The following KCNQ3 variants were observed in gnomAD, a reference collection of about 807,000 sequenced individuals.
KCNQ3 encodes potassium voltage-gated channel subfamily Q member 3.
KCNQ3 carries 30 observed loss-of-function variants against 92.5 expected under a neutral mutation model. That is an observed-to-expected ratio of 0.32 (90% CI 0.24 to 0.44). KCNQ3 has a LOEUF of 0.44. KCNQ3 is among the 20% of genes least tolerant of loss of function. The pLI, the probability that KCNQ3 is intolerant of heterozygous loss-of-function variation, is 1.00. For missense variants in KCNQ3, 913 were observed against 1,140.3 expected (o/e 0.80, Z 2.87); for synonymous variants, 450 against 468.8 (o/e 0.96, Z 0.52).
intron 1 of KCNQ3, among the ~76,000 whole-genome samples, chr8:132,402,145 C>T (rs1356274953): frequency 6.6e-6 from 1 of 152,138 alleles, no homozygotes; most frequent in Non-Finnish European, 1.5e-5. Flanking sequence ...TGTCTCTTGC[C>T]CAGAGAGCGT....
chr8:132,372,926 G>A (rs1819514460), intron 1 of KCNQ3, among the ~76,000 whole-genome samples: 1 of 152,152 alleles, frequency 6.6e-6, no homozygotes, highest in African/African-American at 2.4e-5. Context: ...AAAGTTCCCT[G>A]TGAACGTTAG....
chr8:132,228,041 T>C (rs1035075934), intron 1 of KCNQ3, among the ~76,000 whole-genome samples: 6 of 151,446 alleles, frequency 4.0e-5, no homozygotes, highest in African/African-American at 1.5e-4. Flanking sequence ...CCCTCAACAG[T>C]AAATAACTTG....
At chr8:132,419,304 T>C (rs762828870) in intron 1 of KCNQ3, among the ~76,000 whole-genome samples, 4 of 152,214 alleles carry the variant, frequency 2.6e-5, no homozygotes, top group Non-Finnish European at 4.4e-5. Flanking sequence ...AGACCATTTG[T>C]CTGGATTTCT....
chr8:132,281,762 G>A (rs1006770358), intron 1 of KCNQ3, among the ~76,000 whole-genome samples: 2 of 152,236 alleles, frequency 1.3e-5, no homozygotes, highest in East Asian at 1.9e-4. Context: ...ACAAAGTGAG[G>A]TTCATGTAGA....
chr8:132,176,986 GT>G (rs1404987363), intron 4 of KCNQ3, among the ~76,000 whole-genome samples: 1 of 152,190 alleles, frequency 6.6e-6, no homozygotes, highest in Non-Finnish European at 1.5e-5. Context: ...GGTGAGCGAG[GT>G]TCTGTGCTGC....
intron 1 of KCNQ3, among the ~76,000 whole-genome samples, chr8:132,244,579 A>G (rs1815101057): frequency 6.6e-6 from 1 of 152,228 alleles, no homozygotes; most frequent in Admixed American, 6.5e-5. Flanking sequence ...ATTCAGTGTT[A>G]TACAGTGTCC....
chr8:132,323,911 G>A (rs1365802672), intron 1 of KCNQ3, among the ~76,000 whole-genome samples: 1 of 152,078 alleles, frequency 6.6e-6, no homozygotes, highest in African/African-American at 2.4e-5. Context: ...AAGGAAGCAC[G>A]CGTTCTGACC....
chr8:132,155,678 G>C (rs1825779442), intron 9 of KCNQ3, among the ~76,000 whole-genome samples: 1 of 152,148 alleles, frequency 6.6e-6, no homozygotes, highest in Admixed American at 6.6e-5. Flanking sequence ...AAAACAACAT[G>C]GTTCCAATTC....
chr8:132,192,637 GTGTT>G (rs1043397965), intron 1 of KCNQ3, among the ~76,000 whole-genome samples: 29 of 151,844 alleles, frequency 1.9e-4, no homozygotes, highest in South Asian at 2.1e-4. Context: ...GGTGTTTCTT[GTGTT>G]TGTTTGTTTG....
intron 1 of KCNQ3, among the ~76,000 whole-genome samples, chr8:132,344,931 A>G (rs1190905492): frequency 2.6e-5 from 4 of 152,164 alleles, no homozygotes; most frequent in African/African-American, 9.7e-5. Context: ...GATGTGAAGT[A>G]ACCCAAAGGA....
chr8:132,397,870 T>G (rs907055545), intron 1 of KCNQ3, among the ~76,000 whole-genome samples: 2 of 152,206 alleles, frequency 1.3e-5, no homozygotes, highest in African/African-American at 4.8e-5. Flanking sequence ...CAACTATCTA[T>G]CCATCTATCT....
intron 1 of KCNQ3, among the ~76,000 whole-genome samples, chr8:132,267,918 A>G (rs1028143806): frequency 6.6e-6 from 1 of 152,222 alleles, no homozygotes; most frequent in Non-Finnish European, 1.5e-5. Context: ...ACAACTGATG[A>G]ACCTACAGTG....
chr8:132,429,787 G>C (rs1821202437), intron 1 of KCNQ3, among the ~76,000 whole-genome samples: 1 of 151,248 alleles, frequency 6.6e-6, no homozygotes, highest in Non-Finnish European at 1.5e-5. Flanking sequence ...CTTGAACCCA[G>C]GAGGCGGAGG....
rs1563765963 is a variant in KCNQ3, at chr8:132,136,146, A to AG, written c.1700+1738dup. Among the ~76,000 whole-genome samples the AG allele has an allele frequency of 2.8e-4, 39 of 136,968 alleles. 2 individuals are homozygous for AG. Among genetic ancestry groups the AG allele is most frequent in the Non-Finnish European group, 4.3e-4 (26 of 60,890 alleles). The allele number at this position is 136,968 out of a possible 152,430, so 89.9% of individuals were successfully genotyped here. A position where few individuals can be genotyped will look rare whatever the true frequency, so the allele number is the denominator to read the frequency against. On this transcript the variant is annotated intron_variant, in intron 12 of 14. Transcript: ENST00000388996. ...AAAAAAAAAAAAAAAAAAAAAAAAA[A>AG]GAAAAGAGAAAGGCCATGGAGAATT...
intron 1 of KCNQ3, among the ~76,000 whole-genome samples, chr8:132,204,656 A>T (rs1192529992): frequency 6.6e-6 from 1 of 152,226 alleles, no homozygotes; most frequent in Non-Finnish European, 1.5e-5. Context: ...AAAGTGAAGG[A>T]TCTTCTCAGG....
chr8:132,299,261 T>C (rs1243503354), intron 1 of KCNQ3, among the ~76,000 whole-genome samples: 1 of 152,082 alleles, frequency 6.6e-6, no homozygotes, highest in East Asian at 1.9e-4. Flanking sequence ...TTCTTACATA[T>C]TCTTCCAGAC....
Position 132,220,137 on chromosome 8 carries a change from C to T in KCNQ3, c.387-33956G>A, listed in dbSNP as rs575446737. ...TTGGCAGAGAGCAAAGTACTCATGT[C>T]TGCATGCCCCCTCCAAACCTACCCC... On this transcript the variant is annotated intron_variant, in intron 1 of 14. Coordinates refer to ENST00000388996, the MANE Select transcript of KCNQ3 (RefSeq NM_004519.4). Among the ~76,000 whole-genome samples, 4 of 152,256 alleles carry T rather than the reference C, an allele frequency of 2.6e-5. No homozygotes were observed. The East Asian group carries it at 7.7e-4, about 29-fold the overall frequency.
At chr8:132,235,509 G>A (rs1046572543) in intron 1 of KCNQ3, among the ~76,000 whole-genome samples, 3 of 152,114 alleles carry the variant, frequency 2.0e-5, no homozygotes, top group Admixed American at 2.0e-4. Flanking sequence ...TCAAAAAAAA[G>A]AAACTTCCTG....
intron 1 of KCNQ3, among the ~76,000 whole-genome samples, chr8:132,447,489 GA>G (rs1309487659): frequency 6.6e-6 from 1 of 151,492 alleles, no homozygotes; most frequent in East Asian, 1.9e-4. Flanking sequence ...GAAAGAGACT[GA>G]AAAAAAACAG....
Sources: allele counts gnomAD v4.1 joint callset (sites outside exome capture counted in the v4.1 genomes callset), GRCh38; gene constraint gnomAD v4.1.1; transcripts MANE v1.5; gene names NCBI Gene and HGNC (gene_info 2026-07-23, HGNC 2026-07-21).